The following ARMH3 variants were observed in gnomAD, a reference collection of about 807,000 sequenced individuals.
ARMH3 encodes the protein armadillo like helical domain containing 3, also known as armadillo-like helical domain-containing protein 3.
Under a neutral mutation model 99.1 loss-of-function variants are expected in ARMH3, and 60 were observed. That is an observed-to-expected ratio of 0.61 (90% CI 0.49 to 0.75). The LOEUF is 0.75. ARMH3 is among the 30% of genes least tolerant of loss of function. The pLI is 0.00. For missense variants in ARMH3, 679 were observed against 843.1 expected (o/e 0.81, Z 2.41); for synonymous variants, 285 against 292.8 (o/e 0.97, Z 0.27).
intron 18 of ARMH3, among the ~76,000 whole-genome samples, chr10:101,991,106 T>G (rs1009160782): frequency 6.6e-6 from 1 of 152,370 alleles, no homozygotes; most frequent in Non-Finnish European, 1.5e-5. Flanking sequence ...CAAGAGAGGC[T>G]TATTATACAG....
chr10:101,936,709 T>C (rs1359193552), intron 23 of ARMH3, among the ~76,000 whole-genome samples: 1 of 152,158 alleles, frequency 6.6e-6, no homozygotes, highest in African/African-American at 2.4e-5. Context: ...TGTATACCCA[T>C]GTTCATACCA....
At chr10:102,026,042 A>G (rs1346943868) in intron 5 of ARMH3, among the ~76,000 whole-genome samples, 1 of 152,206 alleles carries the variant, frequency 6.6e-6, no homozygotes, top group African/African-American at 2.4e-5. Flanking sequence ...CTAGCCATAT[A>G]AACTATCCAA....
Position 101,950,419 on chromosome 10 carries a change from A to G in ARMH3, c.1705+6178T>C, listed in dbSNP as rs535035884. Among the ~76,000 whole-genome samples the G allele has an allele frequency of 8.5e-5, 13 of 152,378 alleles. No individual in the cohort carries two copies. The East Asian group carries it at 2.5e-3, about 29-fold the overall frequency. ...CTCAAAAGGTTATAAACACAAAGTT[A>G]TCATATGACCCAGCAATTCTGCTCC... On this transcript the variant is annotated intron_variant, in intron 22 of 25. Transcript: ENST00000370033.
At chr10:101,989,065 A>G (rs1408893802) in intron 19 of ARMH3, among the ~76,000 whole-genome samples, 1 of 152,108 alleles carries the variant, frequency 6.6e-6, no homozygotes, top group Non-Finnish European at 1.5e-5. Flanking sequence ...CTTGCCCAAA[A>G]ATCGGAGGGA....
At chr10:102,003,220 T>A (rs2136069535) in intron 14 of ARMH3, among the ~76,000 whole-genome samples, 1 of 151,960 alleles carries the variant, frequency 6.6e-6, no homozygotes, top group East Asian at 2.0e-4. Context: ...TAGAGTGCAG[T>A]GGTGCCATCT....
chr10:102,008,320 T>G lies in ARMH3; in HGVS notation c.954+1054A>C, dbSNP rs918835168. 4.6e-5 allele frequency among the ~76,000 whole-genome samples: 7 copies of G among 152,264 alleles called. No individual in the cohort carries two copies. In the East Asian group the frequency reaches 1.2e-3, roughly 25 times the overall value. ...CCTTTGAGAAAAAGCATAAGCAAACTTTCCCTTAAAATAACCCTACATACA... is the reference window on the plus strand; with the variant it reads ...CCTTTGAGAAAAAGCATAAGCAAACGTTCCCTTAAAATAACCCTACATACA... On this transcript the variant is annotated intron_variant, in intron 13 of 25. Coordinates refer to ENST00000370033, the MANE Select transcript of ARMH3 (RefSeq NM_024541.3).
intron 14 of ARMH3, 133 bp from the exon 15 acceptor site, chr10:102,002,205 G>T: frequency 2.2e-6 from 3 of 1,340,832 alleles, no homozygotes; most frequent in South Asian, 1.5e-5. Context: ...AGGACCAAGT[G>T]CTCATCACAA....
At chr10:101,867,314 A>G (rs2067026961) in intron 24 of ARMH3, among the ~76,000 whole-genome samples, 1 of 152,170 alleles carries the variant, frequency 6.6e-6, no homozygotes. Flanking sequence ...ATACTGTACA[A>G]TGCCACTGGC....
intron 20 of ARMH3, among the ~76,000 whole-genome samples, chr10:101,961,661 A>G (rs1442958143): frequency 6.6e-6 from 1 of 152,174 alleles, no homozygotes; most frequent in Non-Finnish European, 1.5e-5. Flanking sequence ...AGCTCATGCT[A>G]ACAGGCTCCT....
chr10:102,041,372 T>C (rs1380568988), intron 1 of ARMH3, among the ~76,000 whole-genome samples: 1 of 151,930 alleles, frequency 6.6e-6, no homozygotes, highest in Admixed American at 6.6e-5. Flanking sequence ...CTTAATCTCA[T>C]CCAATGACAA....
intron 23 of ARMH3, among the ~76,000 whole-genome samples, chr10:101,920,580 T>C (rs1181076256): frequency 6.6e-6 from 1 of 152,038 alleles, no homozygotes; most frequent in African/African-American, 2.4e-5. Context: ...TCAGAGACTA[T>C]GAGAATCCAA....
chr10:102,028,539 CCA>C, intron 5 of ARMH3, among the ~76,000 whole-genome samples: 1 of 152,008 alleles, frequency 6.6e-6, no homozygotes, highest in Non-Finnish European at 1.5e-5. Context: ...GTATCTCCAG[CCA>C]AAGGAATATT....
chr10:101,845,695 G>A lies in ARMH3; in HGVS notation c.*1833C>T, dbSNP rs2066453639. The A allele has an allele frequency of 6.6e-6, 1 of 152,182 alleles. No homozygotes were observed. The highest frequency in any genetic ancestry group is 3.2e-3 in the Middle Eastern group (1 of 316). 9.4% of individuals were successfully genotyped at this position (152,182 alleles called of 1,614,324 possible). On this transcript the variant is annotated 3_prime_UTR_variant, in exon 26 of 26. Transcript: ENST00000370033. ...TTTATCACCAGGGAAAACACTAAAT[G>A]CCCCAGGCTGAGCTATCCATCCAGT...
intron 19 of ARMH3, among the ~76,000 whole-genome samples, chr10:101,984,692 T>C (rs1415945228): frequency 6.6e-6 from 1 of 152,076 alleles, no homozygotes; most frequent in African/African-American, 2.4e-5. Flanking sequence ...ACAGGTGACA[T>C]CATTAGCCTT....
intron 24 of ARMH3, among the ~76,000 whole-genome samples, chr10:101,865,490 A>AT (rs1030685070): frequency 2.0e-5 from 3 of 151,366 alleles, no homozygotes; most frequent in African/African-American, 4.9e-5. Context: ...TACTACCGTA[A>AT]TTTTTTTTTC....
intron 20 of ARMH3, among the ~76,000 whole-genome samples, chr10:101,967,644 G>A (rs1845595618): frequency 6.6e-6 from 1 of 152,192 alleles, no homozygotes; most frequent in Non-Finnish European, 1.5e-5. Context: ...GGCTGAGGCA[G>A]GAGAATTGCT....
intron 20 of ARMH3, among the ~76,000 whole-genome samples, chr10:101,961,621 C>G (rs1450125445): frequency 1.3e-5 from 2 of 152,160 alleles, no homozygotes; most frequent in Non-Finnish European, 2.9e-5. Flanking sequence ...CAGCAGAGAA[C>G]TGGCACTCAG....
chr10:102,046,432 C>T (rs1333772067), intron 1 of ARMH3, among the ~76,000 whole-genome samples: 2 of 152,038 alleles, frequency 1.3e-5, no homozygotes, highest in Non-Finnish European at 2.9e-5. Context: ...GCGGGCAGAT[C>T]ACCTGAGGTC....
intron 12 of ARMH3, 50 bp downstream of exon 12, chr10:102,009,927 A>T: frequency 6.5e-7 from 1 of 1,544,554 alleles, no homozygotes; most frequent in Non-Finnish European, 8.9e-7. Context: ...ATCCAGCAGG[A>T]CAGCCCACAC....
Sources: allele counts gnomAD v4.1 joint callset (sites outside exome capture counted in the v4.1 genomes callset), GRCh38; gene constraint gnomAD v4.1.1; transcripts MANE v1.5; gene names NCBI Gene and HGNC (gene_info 2026-07-23, HGNC 2026-07-21).